The following KCNS3 variants were observed in gnomAD, a reference collection of about 807,000 sequenced individuals.
KCNS3 encodes the protein delayed-rectifier potassium channel regulatory subunit KCNS3.
KCNS3 carries 13 observed loss-of-function variants against 31.0 expected under a neutral mutation model. That is an observed-to-expected ratio of 0.42 (90% CI 0.27 to 0.67). The LOEUF is 0.67. Ranked by LOEUF, KCNS3 falls within the 30% of genes least tolerant of loss-of-function variation. The pLI, the probability that KCNS3 is intolerant of heterozygous loss-of-function variation, is 0.25. For synonymous variants in KCNS3, 238 were observed against 241.5 expected, an observed-to-expected ratio of 0.99 and a Z score of 0.13; for missense variants, 545 against 622.4, an observed-to-expected ratio of 0.88 and a Z score of 1.32.
intron 2 of KCNS3, among the ~76,000 whole-genome samples, chr2:17,929,860 C>A (rs1239722537): frequency 6.6e-6 from 1 of 152,168 alleles, no homozygotes; most frequent in Non-Finnish European, 1.5e-5. Flanking sequence ...CCTAGAGAGG[C>A]TGAGAGCAGT....
At chr2:17,929,216 A>G (rs1662901158) in intron 2 of KCNS3, among the ~76,000 whole-genome samples, 2 of 152,138 alleles carry the variant, frequency 1.3e-5, no homozygotes, top group Admixed American at 6.5e-5. Context: ...GTGGTGTGTT[A>G]GTCTGTTCTC....
intron 2 of KCNS3, among the ~76,000 whole-genome samples, chr2:17,921,422 A>G (rs1662700036): frequency 6.6e-6 from 1 of 152,184 alleles, no homozygotes; most frequent in African/African-American, 2.4e-5. Context: ...TTCTTTTAAG[A>G]ACATAATTAT....
chr2:17,909,937 G>A (rs1001743723), intron 1 of KCNS3, among the ~76,000 whole-genome samples: 1 of 152,172 alleles, frequency 6.6e-6, no homozygotes, highest in Non-Finnish European at 1.5e-5. Flanking sequence ...GAACATAGGA[G>A]GGACATGATG....
chr2:17,878,281 G>A (rs1320651747), upstream of KCNS3, among the ~76,000 whole-genome samples: 1 of 152,104 alleles, frequency 6.6e-6, no homozygotes. Flanking sequence ...GGCCGCGGGG[G>A]AGGTCATCTT....
chr2:17,905,218 A>G (rs1297059615), intron 1 of KCNS3, among the ~76,000 whole-genome samples: 3 of 152,174 alleles, frequency 2.0e-5, no homozygotes, highest in African/African-American at 4.8e-5. Flanking sequence ...TTCTCTTTGA[A>G]GCAAGTGCGA....
intron 2 of KCNS3, among the ~76,000 whole-genome samples, chr2:17,929,055 G>A (rs374360532): frequency 2.1e-4 from 32 of 152,206 alleles, no homozygotes; most frequent in African/African-American, 7.2e-4. Flanking sequence ...CTAAGTCACA[G>A]TCACAAACCT....
chr2:17,911,860 A>G (rs1338536419), intron 1 of KCNS3, among the ~76,000 whole-genome samples: 1 of 152,162 alleles, frequency 6.6e-6, no homozygotes, highest in East Asian at 1.9e-4. Context: ...TAACTTCTCT[A>G]TTTACCAGTT....
chr2:17,903,144 A>G (rs1662227205), intron 1 of KCNS3, among the ~76,000 whole-genome samples: 1 of 152,206 alleles, frequency 6.6e-6, no homozygotes, highest in Non-Finnish European at 1.5e-5. Context: ...TTCATACAGA[A>G]TGGAAGCAGC....
rs1662974225 is a variant in KCNS3 at position 17,931,578 on chromosome 2, C to T, written c.570C>T (p.Ser190=). ...TGTCCGCTAAGCTTATCGCTATCTC[C>T]TCCTTGAGCGTGGTGCTGGCCTCCA... The part of the protein sequence containing the change: ...YCLSAKLIAI[S]SLSVVLASIV... The change falls in exon 3 of 3, where the codon TCC becomes TCT. Residue 190 remains serine (S), a synonymous_variant. Coordinates refer to ENST00000304101, the MANE Select transcript of KCNS3 (RefSeq NM_002252.5). The surrounding 1 kb of genome is among the most constrained non-coding windows in gnomAD (Gnocchi z 5.4). 6.2e-7 allele frequency: 1 copy of T among 1,614,100 alleles called. No homozygotes were observed. Among genetic ancestry groups the T allele is most frequent in the African/African-American group, 1.3e-5 (1 of 74,948 alleles).
chr2:17,914,814 C>A lies in KCNS3; in HGVS notation c.-251-2866C>A, dbSNP rs538136121. 3.3e-5 allele frequency among the ~76,000 whole-genome samples: 5 copies of A among 152,302 alleles called. No individual in the cohort carries two copies. The South Asian group carries it at 1.0e-3, about 32-fold the overall frequency. On this transcript the variant is annotated intron_variant, in intron 1 of 2. Transcript: ENST00000304101. ...GGATTCTGTGCAAGCACAGAGGACA[C>A]AGACCTACGGTGCACTGTCACTTGG...
At chr2:17,906,764 T>C (rs1203472070) in intron 1 of KCNS3, among the ~76,000 whole-genome samples, 2 of 152,076 alleles carry the variant, frequency 1.3e-5, no homozygotes, top group African/African-American at 4.8e-5. Flanking sequence ...TGTAGTTGAG[T>C]GGTTTTGAGT....
intron 1 of KCNS3, among the ~76,000 whole-genome samples, chr2:17,908,782 C>T (rs1265230182): frequency 6.6e-6 from 1 of 152,200 alleles, no homozygotes; most frequent in Non-Finnish European, 1.5e-5. Context: ...GCGAATATTG[C>T]TGAACAGCAA....
intron 1 of KCNS3, among the ~76,000 whole-genome samples, chr2:17,895,422 A>G (rs1453858931): frequency 6.6e-6 from 1 of 152,190 alleles, no homozygotes; most frequent in Non-Finnish European, 1.5e-5. Flanking sequence ...GGGGTATAGA[A>G]AAACAACAGC....
At chr2:17,879,258 C>G (rs1009762856) in intron 1 of KCNS3, 3 of 152,230 alleles carry the variant, frequency 2.0e-5, no homozygotes, top group Non-Finnish European at 2.9e-5. Flanking sequence ...CGTTCCTTCC[C>G]TTCCTCGAGA....
intron 1 of KCNS3, among the ~76,000 whole-genome samples, chr2:17,917,264 C>A (rs554578963): frequency 1.4e-4 from 22 of 152,172 alleles, no homozygotes; most frequent in African/African-American, 5.1e-4. Context: ...GCAGTAATAC[C>A]CAGAAGGTAG....
At chr2:17,880,536 C>T (rs1674620762) in intron 1 of KCNS3, among the ~76,000 whole-genome samples, 1 of 152,132 alleles carries the variant, frequency 6.6e-6, no homozygotes. Context: ...ACTCTGAATC[C>T]AAAGCATGTT....
intron 1 of KCNS3, among the ~76,000 whole-genome samples, chr2:17,883,026 T>C (rs1674678538): frequency 6.6e-6 from 1 of 152,306 alleles, no homozygotes; most frequent in Non-Finnish European, 1.5e-5. Flanking sequence ...ACGATTTGCT[T>C]TGAGGAGATA....
At position 17,929,899 on chromosome 2, in the gene KCNS3, G is replaced by A. The variant is rs57461956; in HGVS notation, c.-59-1051G>A. 7.9e-5 allele frequency among the ~76,000 whole-genome samples: 12 copies of A among 152,274 alleles called. No individual in the cohort carries two copies. The East Asian group carries it at 1.2e-3, about 15-fold the overall frequency. ...CATTTTTCTATCCAGCTACCATATAGTGTTGGAAGGACTGAATGACATAAT... is the reference window on the plus strand; with the variant it reads ...CATTTTTCTATCCAGCTACCATATAATGTTGGAAGGACTGAATGACATAAT... On this transcript the variant is annotated intron_variant, in intron 2 of 2. Transcript: ENST00000304101.
intron 1 of KCNS3, among the ~76,000 whole-genome samples, chr2:17,881,831 GTC>G (rs1241897932): frequency 6.6e-6 from 1 of 152,180 alleles, no homozygotes; most frequent in Non-Finnish European, 1.5e-5. Context: ...TGGGTCCCAT[GTC>G]TCAGCCTTAA....
Sources: allele counts gnomAD v4.1 joint callset (sites outside exome capture counted in the v4.1 genomes callset), GRCh38; gene constraint gnomAD v4.1.1; non-coding constraint Gnocchi (gnomAD v3.1); transcripts MANE v1.5; gene names NCBI Gene and HGNC (gene_info 2026-07-23, HGNC 2026-07-21).